CADPS2: variants seen among roughly 807,000 people sequenced by gnomAD.
CADPS2 encodes calcium-dependent secretion activator 2.
A neutral mutation model predicts 172.5 loss-of-function variants in CADPS2; 93 were observed. The ratio of observed to expected loss-of-function variants is 0.54; its 90% confidence interval spans 0.46 to 0.64. CADPS2 has a LOEUF of 0.64. CADPS2 is among the 30% of genes least tolerant of loss of function. The pLI, the probability that CADPS2 is intolerant of heterozygous loss-of-function variation, is 0.00. For synonymous variants in CADPS2, 546 were observed against 555.2 expected (o/e 0.98, Z 0.23); for missense variants, 1,420 against 1,565.9 (o/e 0.91, Z 1.57).
chr7:122,675,813 C>G (rs2082326148), intron 2 of CADPS2, among the ~76,000 whole-genome samples: 1 of 151,926 alleles, frequency 6.6e-6, no homozygotes, highest in Non-Finnish European at 1.5e-5. Context: ...ACACCAGGGC[C>G]TGTTGGGGGC....
chr7:122,402,621 T>C (rs1182161262), intron 20 of CADPS2, among the ~76,000 whole-genome samples: 1 of 152,226 alleles, frequency 6.6e-6, no homozygotes, highest in African/African-American at 2.4e-5. Flanking sequence ...AGCCACTAAT[T>C]AAGTACAAAT....
Position 122,543,609 on chromosome 7 carries a change from G to A in CADPS2, c.1475+10941C>T, listed in dbSNP as rs575001551. On this transcript the variant is annotated intron_variant, in intron 8 of 29. Transcript: ENST00000449022. ...TGATCTGAGCTGGTGAGACAAATAG[G>A]AGGGTGGATGTTATAATTTTATAGT... Among the ~76,000 whole-genome samples, 13 of 152,234 alleles carry A rather than the reference G, an allele frequency of 8.5e-5. No homozygotes were observed. The South Asian group carries it at 2.5e-3, about 29-fold the overall frequency.
intron 19 of CADPS2, among the ~76,000 whole-genome samples, chr7:122,408,525 A>C (rs2046939653): frequency 6.6e-6 from 1 of 152,134 alleles, no homozygotes; most frequent in Non-Finnish European, 1.5e-5. Flanking sequence ...CCCAGCTTCA[A>C]GCAATTCTCA....
rs1411253112 is a variant in CADPS2 at position 122,705,755 on chromosome 7, ATATAT to A, written c.453+31195_453+31199del. On this transcript the variant is annotated intron_variant, in intron 2 of 29. Transcript: ENST00000449022. The stretch of plus-strand genomic sequence containing the variant: ...TATTATATAATATATAATATATATA[ATATAT>A]AATATATGATATATTATATAATATA... Among the ~76,000 whole-genome samples the A allele has an allele frequency of 2.9e-4, 3 of 10,442 alleles. 1 individual carries two copies. Among genetic ancestry groups the A allele is most frequent in the African/African-American group, 8.8e-4 (3 of 3,410 alleles). The allele number at this position is 10,442 out of a possible 152,430, so 6.9% of individuals were successfully genotyped here. A position where few individuals can be genotyped will look rare whatever the true frequency, so the allele number is the denominator to read the frequency against.
At chr7:122,548,246 A>G (rs1438794411) in intron 8 of CADPS2, among the ~76,000 whole-genome samples, 1 of 151,952 alleles carries the variant, frequency 6.6e-6, no homozygotes, top group Non-Finnish European at 1.5e-5. Flanking sequence ...GGTGGCACAC[A>G]CCTGTGGTCC....
rs143905258 is a variant in CADPS2 at position 122,665,180 on chromosome 7, G to A, written c.454-1611C>T. The stretch of plus-strand genomic sequence containing the variant: ...CATACTACTTGCACCACACTTCCAC[G>A]CCTGTCTGCATGTGGGCAAGCAGCA... On this transcript the variant is annotated intron_variant, in intron 2 of 29. Transcript: ENST00000449022. Among the ~76,000 whole-genome samples, 103 of 152,116 alleles carry A rather than the reference G, an allele frequency of 6.8e-4. No homozygotes were observed. In the East Asian group the frequency reaches 0.013, roughly 19 times the overall value.
intron 25 of CADPS2, among the ~76,000 whole-genome samples, chr7:122,367,547 T>G (rs897250182): frequency 0.2 from 22,624 of 113,376 alleles, 2,121 homozygotes; most frequent in Non-Finnish European, 0.29. Context: ...CAGTTTTTTT[T>G]TTTTTTTTTT....
intron 7 of CADPS2, among the ~76,000 whole-genome samples, chr7:122,575,879 A>C (rs1257550467): frequency 6.6e-6 from 1 of 152,208 alleles, no homozygotes; most frequent in South Asian, 2.1e-4. Context: ...AGTTGCAAAG[A>C]TAGTATAGAG....
At chr7:122,434,994 G>GT (rs11383481) in intron 17 of CADPS2, among the ~76,000 whole-genome samples, 41,455 of 151,950 alleles carry the variant, frequency 0.27, 6,102 homozygotes, top group East Asian at 0.39. Flanking sequence ...ATAGCCTCAG[G>GT]TTTTTTGCTT....
chr7:122,672,004 A>T (rs2081920593), intron 2 of CADPS2, among the ~76,000 whole-genome samples: 1 of 152,362 alleles, frequency 6.6e-6, no homozygotes, highest in South Asian at 2.1e-4. Flanking sequence ...AAAGGATATC[A>T]CAGGGAAGGA....
chr7:122,843,579 A>G (rs1468250604), intron 1 of CADPS2, among the ~76,000 whole-genome samples: 1 of 152,240 alleles, frequency 6.6e-6, no homozygotes, highest in Non-Finnish European at 1.5e-5. Context: ...TTCTCAAACA[A>G]TGAGTCCAGT....
At position 122,393,451 on chromosome 7, in the gene CADPS2, G is replaced by C. The variant is rs199643380; in HGVS notation, c.2878C>G (p.Gln960Glu). ...IHRGFEQETW[Q>E]PVKNIANSLP... ...AGGTAAGATACCTACTTGACAGGCT[G>C]CCATGTCTCCTGCTCAAAACCTCTG... The change falls in exon 21 of 30, where the codon CAG (glutamine) becomes GAG (glutamate). Residue 960 changes from glutamine to glutamate, a missense_variant. Transcript: ENST00000449022. 9.9e-4 allele frequency: 1,603 copies of C among 1,613,842 alleles called. 2 individuals are homozygous for C. Among genetic ancestry groups the C allele is most frequent in the Admixed American group, 1.7e-3 (101 of 60,020 alleles).
chr7:122,323,854 T>A (rs1309085072), intron 29 of CADPS2, among the ~76,000 whole-genome samples: 4 of 136,032 alleles, frequency 2.9e-5, no homozygotes, highest in Non-Finnish European at 4.8e-5. Context: ...TATATGCATA[T>A]TATATACATA....
chr7:122,459,157 GT>G (rs1333586476), intron 14 of CADPS2, among the ~76,000 whole-genome samples: 1 of 151,554 alleles, frequency 6.6e-6, no homozygotes, highest in East Asian at 1.9e-4. Flanking sequence ...TAATTTGATT[GT>G]TTTAACGAAC....
At chr7:122,734,930 G>A (rs561718693) in intron 2 of CADPS2, among the ~76,000 whole-genome samples, 37 of 152,036 alleles carry the variant, frequency 2.4e-4, no homozygotes, top group African/African-American at 7.7e-4. Flanking sequence ...AAAAACCCTC[G>A]GTCACCAAGT....
intron 22 of CADPS2, among the ~76,000 whole-genome samples, chr7:122,391,664 TG>T (rs2151477652): frequency 6.6e-6 from 1 of 152,198 alleles, no homozygotes; most frequent in South Asian, 2.1e-4. Context: ...AATATCCTAG[TG>T]AGTATTATGA....
chr7:122,872,582 T>C (rs931378287), intron 1 of CADPS2, among the ~76,000 whole-genome samples: 2 of 152,082 alleles, frequency 1.3e-5, no homozygotes, highest in African/African-American at 4.8e-5. Context: ...AGTTGTCTTG[T>C]TATATTTCAG....
Position 122,438,323 on chromosome 7 carries a change from A to G in CADPS2, c.2476+18T>C. On this transcript the variant is annotated intron_variant, in intron 17 of 29. Transcript: ENST00000449022. ...GTTGGCTCTCACTGCCACTTCGACA[A>G]TTGCTCACTGCACTGACCTTCTATT... The G allele has an allele frequency of 1.9e-6, 3 of 1,612,414 alleles. No homozygotes were observed. The highest frequency in any genetic ancestry group is 2.5e-6 in the Non-Finnish European group (3 of 1,178,818).
chr7:122,567,003 A>T (rs1227167604), intron 7 of CADPS2, among the ~76,000 whole-genome samples: 4 of 152,138 alleles, frequency 2.6e-5, no homozygotes, highest in African/African-American at 9.7e-5. Flanking sequence ...GAACTGGAAA[A>T]ATTTAATTTG....
Sources: gnomAD v4.1 joint callset for allele counts (sites outside exome capture counted in the v4.1 genomes callset) on GRCh38, gnomAD v4.1.1 for gene constraint, MANE v1.5 for transcripts, NCBI Gene and HGNC (gene_info 2026-07-23, HGNC 2026-07-21) for gene names.